Variants in CYGB observed in about 807,000 individuals in gnomAD.
The protein encoded by CYGB is histoglobin.
In CYGB, 13 loss-of-function variants were observed where a neutral mutation model predicts 20.7. The observed-to-expected ratio is 0.63, with a 90% CI of 0.41 to 1.00. The LOEUF (loss-of-function observed/expected upper bound fraction) is 1.00. Among genes scored for constraint, CYGB ranks in the 50% least tolerant of loss-of-function variants. The pLI, the probability that CYGB is intolerant of heterozygous loss-of-function variation, is 0.00. For synonymous variants in CYGB, 93 were observed against 107.4 expected, an observed-to-expected ratio of 0.87 and a Z score of 0.83; for missense variants, 218 against 257.2, an observed-to-expected ratio of 0.85 and a Z score of 1.04.
intron 1 of CYGB, chr17:76,543,215 A>G: frequency 2.5e-6 from 1 of 405,394 alleles, no homozygotes. Context: ...TGGGCCTGGC[A>G]GAAAGAGCAG....
At chr17:76,543,050 T>C in intron 1 of CYGB, 1 of 472,456 alleles carries the variant, frequency 2.1e-6, no homozygotes, top group Non-Finnish European at 4.4e-6. Flanking sequence ...GTTCGTCCCC[T>C]AGCCCAGGAG....
upstream of CYGB, chr17:76,540,531 C>G: frequency 2.5e-6 from 4 of 1,613,656 alleles, no homozygotes; most frequent in Middle Eastern, 6.6e-4. This position sits in a 1 kb window ranked among gnomAD's most constrained non-coding sequence, Gnocchi z 5.0. Flanking sequence ...GATGGGGCAG[C>G]TAGGGGCAGC....
intron 1 of CYGB, among the ~76,000 whole-genome samples, chr17:76,535,772 C>G (rs932512064): frequency 3.3e-5 from 5 of 152,220 alleles, no homozygotes; most frequent in Admixed American, 2.0e-4. Context: ...TGGCATCTGC[C>G]CTACCCTGGT....
rs930845547 is a variant in CYGB, at chr17:76,530,433, T to G, written c.539+546A>C. Among the ~76,000 whole-genome samples the G allele has an allele frequency of 5.9e-5, 9 of 152,280 alleles. No homozygotes were observed. The highest frequency in any genetic ancestry group is 5.9e-4 in the Admixed American group (9 of 15,302). On this transcript the variant is annotated intron_variant, in intron 3 of 3. Transcript: ENST00000293230. This position sits in a 1 kb window ranked among gnomAD's most constrained non-coding sequence, Gnocchi z 6.1. Reference sequence around the variant, plus strand: ...CTGGAAGTAAACATGCCCCTGCTCGTGTGCGTGTGAGCGACACCCATGTAG... The same window carrying G: ...CTGGAAGTAAACATGCCCCTGCTCGGGTGCGTGTGAGCGACACCCATGTAG...
rs747063204 is a variant in CYGB at position 76,537,586 on chromosome 17, GGCGGGGC to G, written c.-51_-45del. 3.0e-4 allele frequency: 358 copies of G among 1,208,488 alleles called. 1 individual carries two copies. Among genetic ancestry groups the G allele is most frequent in the South Asian group, 1.6e-3 (50 of 31,476 alleles). 74.9% of individuals were successfully genotyped at this position (1,208,488 alleles called of 1,614,324 possible). On this transcript the variant is annotated 5_prime_UTR_variant, in exon 1 of 4. Transcript: ENST00000293230. The stretch of plus-strand genomic sequence containing the variant: ...CCCGGCTTTGCTCGGCGGCGGCGGT[GGCGGGGC>G]GCGGGGCGCGGGGCGCGGGGCGCCG...
At chr17:76,548,094 GAC>G (rs941106365) in intron 1 of CYGB, among the ~76,000 whole-genome samples, 3 of 148,992 alleles carry the variant, frequency 2.0e-5, no homozygotes, top group Non-Finnish European at 3.0e-5. Flanking sequence ...AAATAAAACA[GAC>G]ACACAGAAAC....
chr17:76,528,083 T>G lies in CYGB; in HGVS notation c.*495A>C, dbSNP rs1006437856. Reference sequence around the variant, plus strand: ...CACAGGTGGGCCAAACCGAGGCTTCTGGGCGCCGCGGATACACATTCTAGA... The same window carrying G: ...CACAGGTGGGCCAAACCGAGGCTTCGGGGCGCCGCGGATACACATTCTAGA... On this transcript the variant is annotated 3_prime_UTR_variant, in exon 4 of 4. Coordinates refer to ENST00000293230, the MANE Select transcript of CYGB (RefSeq NM_134268.5). The surrounding 1 kb of genome is among the most constrained non-coding windows in gnomAD (Gnocchi z 5.8). 1.3e-5 allele frequency: 5 copies of G among 372,318 alleles called. No homozygotes were observed. Among genetic ancestry groups the G allele is most frequent in the Non-Finnish European group, 2.0e-5 (4 of 200,542 alleles). 23.1% of individuals were successfully genotyped at this position (372,318 alleles called of 1,614,324 possible). A position where few individuals can be genotyped will look rare whatever the true frequency, so the allele number is the denominator to read the frequency against.
At position 76,546,431 on chromosome 17, in the gene CYGB, G is replaced by A. The variant is rs11657534; in HGVS notation, c.-53+4431C>T. 0.72 allele frequency: 95,893 copies of A among 132,528 alleles called. 33,791 individuals carry two copies. Among genetic ancestry groups the A allele is most frequent in the East Asian group, 0.89 (4,480 of 5,052 alleles). 8.2% of individuals were successfully genotyped at this position (132,528 alleles called of 1,614,324 possible). On this transcript the variant is annotated intron_variant, in intron 1 of 3. Transcript: ENST00000589145. This position sits in a 1 kb window ranked among gnomAD's most constrained non-coding sequence, Gnocchi z 4.5. ...GAGTACCCACCCATTCCAAGTGTGC[G>A]GTTGTGTGTGTGTGTGGTTTGTGTG...
chr17:76,543,246 C>T (rs769464726), intron 1 of CYGB: 12 of 367,700 alleles, frequency 3.3e-5, no homozygotes, highest in South Asian at 8.2e-5. Context: ...TGCTCTCGGA[C>T]GGGCTTCCTT....
chr17:76,545,335 G>A, intron 1 of CYGB: 1 of 456,734 alleles, frequency 2.2e-6, no homozygotes, highest in South Asian at 1.5e-5. Flanking sequence ...GGCAAGGGTG[G>A]ACCTTTAAAT....
chr17:76,528,545 G>T lies in CYGB; in HGVS notation c.*33C>A. 2 of 1,289,296 alleles carry T rather than the reference G, an allele frequency of 1.6e-6. No homozygotes were observed. The highest frequency in any genetic ancestry group is 3.1e-5 in the East Asian group (1 of 32,604). The allele number at this position is 1,289,296 out of a possible 1,614,324, so 79.9% of individuals were successfully genotyped here. A position where few individuals can be genotyped will look rare whatever the true frequency, so the allele number is the denominator to read the frequency against. The stretch of plus-strand genomic sequence containing the variant: ...TTCAGAACTCGGCCTTCTGCTCGAG[G>T]TGCTGCCAGGGAGGGGGGTGGAGTT... On this transcript the variant is annotated 3_prime_UTR_variant, in exon 4 of 4. Coordinates refer to ENST00000293230, the MANE Select transcript of CYGB (RefSeq NM_134268.5). This position sits in a 1 kb window ranked among gnomAD's most constrained non-coding sequence, Gnocchi z 5.8.
chr17:76,549,764 C>T (rs545043728), intron 1 of CYGB, among the ~76,000 whole-genome samples: 7 of 152,108 alleles, frequency 4.6e-5, no homozygotes, highest in South Asian at 4.2e-4. Context: ...CTGCTGATGC[C>T]GACGACATGG....
upstream of CYGB, chr17:76,537,885 C>G (rs2074938686): frequency 6.6e-6 from 1 of 151,186 alleles, no homozygotes; most frequent in African/African-American, 2.4e-5. Context: ...GTGGGGGCGA[C>G]GCGACTGCCG....
chr17:76,548,057 TAC>T lies in CYGB; in HGVS notation c.-53+2803_-53+2804del, dbSNP rs563891616. Among the ~76,000 whole-genome samples the T allele has an allele frequency of 1.1e-4, 17 of 150,934 alleles. 1 individual carries two copies. The South Asian group carries it at 1.7e-3, about 15-fold the overall frequency. On this transcript the variant is annotated intron_variant, in intron 1 of 3. Transcript: ENST00000589145. The stretch of plus-strand genomic sequence containing the variant: ...ACACATATACGAACATTCACACACA[TAC>T]ACACAGACATACATGTACACACACA...
intron 1 of CYGB, chr17:76,542,771 G>T: frequency 1.5e-6 from 1 of 680,638 alleles, no homozygotes; most frequent in Non-Finnish European, 2.7e-6. Flanking sequence ...AAAGTAGGCG[G>T]ATGGACTCAT....
intron 1 of CYGB, among the ~76,000 whole-genome samples, chr17:76,549,617 T>G (rs567810486): frequency 1.4e-4 from 22 of 152,278 alleles, no homozygotes; most frequent in African/African-American, 5.1e-4. Context: ...CAAAAAAGAC[T>G]GCAAAGATGT....
At chr17:76,545,854 C>A (rs747515658) in intron 1 of CYGB, 25 of 171,402 alleles carry the variant, frequency 1.5e-4, no homozygotes, top group Non-Finnish European at 2.6e-4. Context: ...TTCCTCACAT[C>A]CTCACTCTCT....
chr17:76,539,406 T>A (rs911808264), upstream of CYGB, among the ~76,000 whole-genome samples: 1 of 152,224 alleles, frequency 6.6e-6, no homozygotes, highest in African/African-American at 2.4e-5. Flanking sequence ...TGGCTGCACC[T>A]GTCTATTTTG....
rs1004027590 is a variant in CYGB at position 76,533,217 on chromosome 17, G to A, written c.144-1526C>T. On this transcript the variant is annotated intron_variant, in intron 1 of 3. Coordinates refer to ENST00000293230, the MANE Select transcript of CYGB (RefSeq NM_134268.5). This position sits in a 1 kb window ranked among gnomAD's most constrained non-coding sequence, Gnocchi z 4.5. ...TCTCAGAGGCCAACTGTGACCTTGG[G>A]CAAACCGCTTCACAAGCTCCCTGTT... is the stretch of plus-strand genomic sequence containing the variant. 6.6e-6 allele frequency among the ~76,000 whole-genome samples: 1 copy of A among 152,192 alleles called. No individual in the cohort carries two copies. The highest frequency in any genetic ancestry group is 2.4e-5 in the African/African-American group (1 of 41,448).
Sources: gnomAD v4.1 joint callset for allele counts (sites outside exome capture counted in the v4.1 genomes callset) on GRCh38, gnomAD v4.1.1 for gene constraint, Gnocchi (gnomAD v3.1) non-coding constraint, MANE v1.5 for transcripts, NCBI Gene and HGNC (gene_info 2026-07-23, HGNC 2026-07-21) for gene names.